The following NEK3 variants were observed in gnomAD, a reference collection of about 807,000 sequenced individuals.
The protein encoded by NEK3 is NIMA related kinase 3, also known as serine/threonine-protein kinase Nek3.
NEK3 carries 54 observed loss-of-function variants against 66.0 expected under a neutral mutation model. That is an observed-to-expected ratio of 0.82 (90% CI 0.66 to 1.03). NEK3 has a LOEUF of 1.03. Ranked by LOEUF, NEK3 falls within the 50% of genes least tolerant of loss-of-function variation. NEK3 has a pLI of 0.00. For synonymous variants in NEK3, 200 were observed against 206.2 expected (o/e 0.97, Z 0.26); for missense variants, 593 against 603.0 (o/e 0.98, Z 0.17).
At chr13:52,145,375 C>T (rs544803122) in intron 8 of NEK3, among the ~76,000 whole-genome samples, 2 of 152,320 alleles carry the variant, frequency 1.3e-5, no homozygotes, top group Admixed American at 1.3e-4. Context: ...GCAATCACAG[C>T]TCACTGCATC....
At chr13:52,133,647 C>CACACACACACCCA (rs755551629) in intron 15 of NEK3, 42 bp downstream of exon 15, 1 of 1,067,622 alleles carries the variant, frequency 9.4e-7, no homozygotes, top group African/African-American at 1.6e-5. Flanking sequence ...ACACACACAC[C>CACACACACACCCA]CCCAACCCCA....
rs368783409 is a variant in NEK3, at chr13:52,144,696, G to A, written c.799C>T (p.Pro267Ser). 1.9e-6 allele frequency: 3 copies of A among 1,613,564 alleles called. No homozygotes were observed. Among genetic ancestry groups the A allele is most frequent in the Non-Finnish European group, 2.5e-6 (3 of 1,179,766 alleles). Reference sequence around the variant, plus strand: ...CAATCCAACACAGATCATACCTCGGGGGGTAAGCACTTCTGGACAAGCCGA... The same window carrying A: ...CAATCCAACACAGATCATACCTCGGAGGGTAAGCACTTCTGGACAAGCCGA... ...VARLVQKCLP[P>S]EIIMEYGEEV... The change falls in exon 9 of 16, where the codon CCC (proline) becomes TCC (serine). Residue 267 changes from proline (P) to serine (S), a missense_variant. Physicochemically the swap from Pro to Ser is moderately conservative, Grantham distance 74. Coordinates refer to ENST00000610828, the MANE Select transcript of NEK3 (RefSeq NM_002498.3).
chr13:52,146,789 T>C (rs1956299029), intron 8 of NEK3, among the ~76,000 whole-genome samples: 1 of 152,192 alleles, frequency 6.6e-6, no homozygotes, highest in African/African-American at 2.4e-5. Context: ...AAACCACTTA[T>C]ATTCAAGGAA....
Position 52,156,217 on chromosome 13 carries a change from C to G in NEK3, c.-26G>C, listed in dbSNP as rs1956395126. On this transcript the variant is annotated 5_prime_UTR_variant, in exon 2 of 16. Transcript: ENST00000610828. ...GCTGGGGCATCCACACAGCTGGGCTCCACTCACGCAGTCACCATGGGCTCT... is the reference window on the plus strand; with the variant it reads ...GCTGGGGCATCCACACAGCTGGGCTGCACTCACGCAGTCACCATGGGCTCT... 7.1e-7 allele frequency: 1 copy of G among 1,400,556 alleles called. No homozygotes were observed. The highest frequency in any genetic ancestry group is 1.9e-4 in the Middle Eastern group (1 of 5,394). 86.8% of individuals were successfully genotyped at this position (1,400,556 alleles called of 1,614,324 possible).
intron 1 of NEK3, 80 bp from the exon 2 acceptor site, chr13:52,156,328 CATG>C (rs779116848): frequency 4.5e-5 from 27 of 601,510 alleles, no homozygotes; most frequent in African/African-American, 7.4e-5. Flanking sequence ...CTCTCATAAC[CATG>C]ATAAGAGAAA....
At chr13:52,140,975 C>G in intron 11 of NEK3, 45 bp downstream of exon 11, 12 of 1,498,264 alleles carry the variant, frequency 8.0e-6, no homozygotes, top group East Asian at 2.5e-5. Context: ...CCACCACGCC[C>G]GGCCACCGCG....
rs1328394396 is a variant in NEK3, at chr13:52,135,860, C to A, written c.1178G>T (p.Gly393Val). 6.2e-7 allele frequency: 1 copy of A among 1,609,888 alleles called. No homozygotes were observed. Among genetic ancestry groups the A allele is most frequent in the South Asian group, 1.1e-5 (1 of 89,856 alleles). Residue 393 changes from glycine to valine, a missense_variant, in exon 14 of 16, where the codon GGT becomes GTT. Transcript: ENST00000610828. ...SSLTAEDDRG[G>V]SVIKYSKNTT... ...ATTTTTGCTGTACTTTATTACAGAACCACCTAGTTGCAAAAAGACAAAAAT... is the reference window on the plus strand; with the variant it reads ...ATTTTTGCTGTACTTTATTACAGAAACACCTAGTTGCAAAAAGACAAAAAT...
At chr13:52,137,806 C>T (rs118118481) in intron 11 of NEK3, among the ~76,000 whole-genome samples, 1,827 of 152,332 alleles carry the variant, frequency 0.012, 23 homozygotes, top group Non-Finnish European at 0.018. Context: ...ACTCTGCCTT[C>T]ATTGCCATCG....
chr13:52,139,574 T>C (rs1956230718), intron 11 of NEK3, among the ~76,000 whole-genome samples: 2 of 152,280 alleles, frequency 1.3e-5, no homozygotes, highest in Admixed American at 1.3e-4. Flanking sequence ...AATGGCATAT[T>C]TTATGTTATG....
chr13:52,133,636 C>CACACAA (rs2138185845), intron 15 of NEK3, 53 bp downstream of exon 15: 1 of 1,527,834 alleles, frequency 6.5e-7, no homozygotes, highest in Non-Finnish European at 8.8e-7. Flanking sequence ...CACACACACA[C>CACACAA]ACACACACAC....
intron 7 of NEK3, among the ~76,000 whole-genome samples, chr13:52,148,737 G>A (rs558487794): frequency 2.0e-5 from 3 of 152,182 alleles, no homozygotes; most frequent in African/African-American, 7.2e-5. Context: ...GAATATTTGC[G>A]GACTCAGATG....
chr13:52,134,933 T>C (rs1241202631), intron 14 of NEK3, among the ~76,000 whole-genome samples: 1 of 152,204 alleles, frequency 6.6e-6, no homozygotes, highest in Non-Finnish European at 1.5e-5. Flanking sequence ...CTTTTTTTTA[T>C]CTTAACCTTT....
chr13:52,144,903 A>T lies in NEK3; in HGVS notation c.604-12T>A. 6.4e-7 allele frequency: 1 copy of T among 1,574,400 alleles called. No individual in the cohort carries two copies. ...CTATTTGCCTGAAACTGAAAAGGAA[A>T]ATTGAACTTTACAAGCAGATACAGG... On this transcript the variant is annotated splice_polypyrimidine_tract_variant and intron_variant, in intron 8 of 15. Coordinates refer to ENST00000610828, the MANE Select transcript of NEK3 (RefSeq NM_002498.3).
chr13:52,135,271 G>C (rs2138188163), intron 14 of NEK3, among the ~76,000 whole-genome samples: 1 of 152,174 alleles, frequency 6.6e-6, no homozygotes, highest in Middle Eastern at 3.4e-3. Flanking sequence ...ACAGAGTTCA[G>C]GTATACAACA....
At chr13:52,156,276 A>T (rs1174641810) in intron 1 of NEK3, 28 bp from the exon 2 acceptor site, 7 of 820,464 alleles carry the variant, frequency 8.5e-6, no homozygotes, top group Non-Finnish European at 1.4e-5. Flanking sequence ...AACATTTGAG[A>T]ATTAAATGTA....
At chr13:52,158,185 C>T (rs1289714428) in intron 1 of NEK3, among the ~76,000 whole-genome samples, 1 of 152,118 alleles carries the variant, frequency 6.6e-6, no homozygotes, top group Non-Finnish European at 1.5e-5. Flanking sequence ...CCCTAGTGTT[C>T]GTTTTTTAAT....
At chr13:52,138,591 T>C (rs1050182329) in intron 11 of NEK3, among the ~76,000 whole-genome samples, 2 of 152,208 alleles carry the variant, frequency 1.3e-5, no homozygotes, top group South Asian at 2.1e-4. Flanking sequence ...GTACATTCCA[T>C]GAAGAGAGCA....
At chr13:52,146,263 A>T (rs1007468691) in intron 8 of NEK3, among the ~76,000 whole-genome samples, 3 of 152,164 alleles carry the variant, frequency 2.0e-5, no homozygotes, top group African/African-American at 4.8e-5. Flanking sequence ...TTTATTTTTT[A>T]AAAAGTGTAT....
rs757924892 is a variant in NEK3 at position 52,152,635 on chromosome 13, C to A, written c.367G>T (p.Val123Leu). The A allele has an allele frequency of 3.7e-6, 6 of 1,610,598 alleles. No homozygotes were observed. The highest frequency in any genetic ancestry group is 5.1e-6 in the Non-Finnish European group (6 of 1,178,450). The change falls in exon 5 of 16, where the codon GTG becomes TTG. Residue 123 changes from valine to leucine, a missense_variant. Coordinates refer to ENST00000610828, the MANE Select transcript of NEK3 (RefSeq NM_002498.3). ...LGVNHIHKKR[V>L]LHRDIKSKNI... The stretch of plus-strand genomic sequence containing the variant: ...TTGGACTTGATATCTCTGTGTAGCA[C>A]ACGTTTCTTGTGAATGTGATTTACT...
Sources: allele counts gnomAD v4.1 joint callset (sites outside exome capture counted in the v4.1 genomes callset), GRCh38; gene constraint gnomAD v4.1.1; transcripts MANE v1.5; gene names NCBI Gene and HGNC (gene_info 2026-07-23, HGNC 2026-07-21).